The following CCN3 variants were observed in gnomAD, a reference collection of about 807,000 sequenced individuals.
The protein encoded by CCN3 is CCN family member 3.
Under a neutral mutation model 33.4 loss-of-function variants are expected in CCN3, and 20 were observed. That is an observed-to-expected ratio of 0.60 (90% confidence interval 0.42 to 0.87). The LOEUF is 0.87. Ranked by LOEUF, CCN3 falls within the 40% of genes least tolerant of loss-of-function variation. CCN3 has a pLI of 0.00. For missense variants in CCN3, 465 were observed against 455.3 expected, an observed-to-expected ratio of 1.02 and a Z score of -0.19; for synonymous variants, 205 against 170.4, an observed-to-expected ratio of 1.20 and a Z score of -1.58.
chr8:119,418,147 A>C lies in CCN3; in HGVS notation c.400A>C (p.Arg134=). Residue 134 remains arginine, a synonymous_variant, in exon 3 of 5, where the codon AGA becomes CGA. Coordinates refer to ENST00000259526, the MANE Select transcript of CCN3 (RefSeq NM_002514.4). The part of the protein sequence containing the change: ...QPSCKFQCTC[R]DGQIGCVPRC... ...AAGCTGCAAATTCCAGTGCACCTGC[A>C]GAGATGGGCAGATTGGCTGTGTGCC... The C allele has an allele frequency of 6.2e-7, 1 of 1,614,234 alleles. No individual in the cohort carries two copies. The highest frequency in any genetic ancestry group is 8.5e-7 in the Non-Finnish European group (1 of 1,180,034).
At chr8:119,421,957 A>T (rs916109165) in intron 4 of CCN3, among the ~76,000 whole-genome samples, 1 of 152,222 alleles carries the variant, frequency 6.6e-6, no homozygotes, top group Non-Finnish European at 1.5e-5. Flanking sequence ...ATTTATAAAC[A>T]TTCTTTTTAT....
chr8:119,422,287 T>C (rs1212456117), intron 4 of CCN3, among the ~76,000 whole-genome samples: 2 of 151,982 alleles, frequency 1.3e-5, no homozygotes, highest in Admixed American at 6.6e-5. Flanking sequence ...AAGGGAAAAA[T>C]CTGCCCCCAT....
At chr8:119,418,333 G>A (rs780422058) in intron 3 of CCN3, 24 bp downstream of exon 3, 24 of 1,612,116 alleles carry the variant, frequency 1.5e-5, no homozygotes, top group Non-Finnish European at 2.0e-5. Flanking sequence ...TATACCTAGG[G>A]CTGGTCATAG....
intron 4 of CCN3, among the ~76,000 whole-genome samples, chr8:119,420,767 C>T (rs917284037): frequency 6.6e-6 from 1 of 152,138 alleles, no homozygotes; most frequent in African/African-American, 2.4e-5. Flanking sequence ...TAAATATTTT[C>T]AATAGCACAG....
At position 119,418,191 on chromosome 8, in the gene CCN3, G is replaced by T; in HGVS notation, c.444G>T (p.Val148=). The T allele has an allele frequency of 6.2e-7, 1 of 1,614,210 alleles. No homozygotes were observed. Among genetic ancestry groups the T allele is most frequent in the East Asian group, 2.2e-5 (1 of 44,880 alleles). The change falls in exon 3 of 5, where the codon GTG becomes GTT. Residue 148 remains valine, a synonymous_variant. Transcript: ENST00000259526. The part of the protein sequence containing the change: ...IGCVPRCQLD[V]LLPEPNCPAP... ...GTGTGCCCCGCTGTCAGCTGGATGT[G>T]CTACTGCCTGAGCCTAACTGCCCAG...
rs759143211 is a variant in CCN3, at chr8:119,418,290, G to A, written c.543G>A (p.Leu181=). 9 of 1,614,108 alleles carry A rather than the reference G, an allele frequency of 5.6e-6. No homozygotes were observed. The East Asian group carries it at 2.0e-4, about 36-fold the overall frequency. The part of the protein sequence containing the change: ...WICGPDEEDS[L]GGLTLAAYRP... The stretch of plus-strand genomic sequence containing the variant: ...GTGGCCCAGATGAGGAGGATTCACT[G>A]GGAGGCCTTACCCTTGCAGGTGAGA... The change falls in exon 3 of 5, where the codon CTG becomes CTA. Residue 181 remains leucine (L), a synonymous_variant. Transcript: ENST00000259526.
chr8:119,422,034 G>A (rs1820130472), intron 4 of CCN3, among the ~76,000 whole-genome samples: 2 of 152,122 alleles, frequency 1.3e-5, no homozygotes, highest in South Asian at 4.1e-4. Flanking sequence ...AATTTATAAA[G>A]AAAAGATGTG....
chr8:119,421,879 A>G (rs72684298), intron 4 of CCN3, among the ~76,000 whole-genome samples: 2,665 of 152,348 alleles, frequency 0.017, 68 homozygotes, highest in East Asian at 0.11. Context: ...TATTTCTTGT[A>G]TGAATGAACA....
chr8:119,416,451 C>G lies in CCN3; in HGVS notation c.-82C>G, dbSNP rs1330226123. The G allele has an allele frequency of 2.9e-6, 4 of 1,376,908 alleles. No homozygotes were observed. Among genetic ancestry groups the G allele is most frequent in the Non-Finnish European group, 4.1e-6 (4 of 979,322 alleles). The allele number at this position is 1,376,908 out of a possible 1,614,324, so 85.3% of individuals were successfully genotyped here. A position where few individuals can be genotyped will look rare whatever the true frequency, so the allele number is the denominator to read the frequency against. On this transcript the variant is annotated 5_prime_UTR_variant, in exon 1 of 5. Coordinates refer to ENST00000259526, the MANE Select transcript of CCN3 (RefSeq NM_002514.4). ...CTGTGCTGGGCGTGATCGGCAAGCA[C>G]CGGACCAGGGGGAAGGCGAGCAGTG...
chr8:119,424,288 A>G lies in CCN3; in HGVS notation c.*1156A>G, dbSNP rs1318544596. The G allele has an allele frequency of 6.6e-6, 1 of 152,180 alleles. No homozygotes were observed. The highest frequency in any genetic ancestry group is 2.4e-5 in the African/African-American group (1 of 41,440). The allele number at this position is 152,180 out of a possible 1,614,324, so 9.4% of individuals were successfully genotyped here. On this transcript the variant is annotated 3_prime_UTR_variant, in exon 5 of 5. Transcript: ENST00000259526. The stretch of plus-strand genomic sequence containing the variant: ...GTATTTATAAAAATATAAATTGTAC[A>G]TTTTGTAAAATATTATGTTTGATTT...
At chr8:119,422,746 G>A (rs886481282) in intron 4 of CCN3, 90 bp from the exon 5 acceptor site, 2 of 1,033,326 alleles carry the variant, frequency 1.9e-6, no homozygotes, top group South Asian at 1.5e-5. Flanking sequence ...TAGATATTGG[G>A]TGGGCAACTA....
Position 119,416,803 on chromosome 8 carries a change from G to T in CCN3, c.144G>T (p.Pro48=). 1 of 1,604,570 alleles carries T rather than the reference G, an allele frequency of 6.2e-7. No homozygotes were observed. ...CGGGCCGGTGCCCTGCGACGCCGCC[G>T]ACCTGCGCCCCCGGGGTGCGCGCGG... ...QCPGRCPATP[P]TCAPGVRAVL... Residue 48 remains proline (P), a synonymous_variant, in exon 2 of 5, where the codon CCG becomes CCT. Coordinates refer to ENST00000259526, the MANE Select transcript of CCN3 (RefSeq NM_002514.4).
Position 119,423,253 on chromosome 8 carries a change from T to C in CCN3, c.*121T>C. The C allele has an allele frequency of 4.0e-6, 4 of 997,998 alleles. No homozygotes were observed. Among genetic ancestry groups the C allele is most frequent in the Non-Finnish European group, 5.9e-6 (4 of 673,644 alleles). The allele number at this position is 997,998 out of a possible 1,614,324, so 61.8% of individuals were successfully genotyped here. ...CATCCTTGAATCCTATGTATTTTCCTAATGTGATCATATGAGGACCTTTAT... is the reference window on the plus strand; with the variant it reads ...CATCCTTGAATCCTATGTATTTTCCCAATGTGATCATATGAGGACCTTTAT... On this transcript the variant is annotated 3_prime_UTR_variant, in exon 5 of 5. Transcript: ENST00000259526.
At position 119,418,295 on chromosome 8, in the gene CCN3, G is replaced by A. The variant is rs775328465; in HGVS notation, c.548G>A (p.Gly183Asp). The A allele has an allele frequency of 1.1e-5, 17 of 1,613,946 alleles. No individual in the cohort carries two copies. The highest frequency in any genetic ancestry group is 1.4e-5 in the Non-Finnish European group (16 of 1,180,026). The change falls in exon 3 of 5, where the codon GGC becomes GAC. Residue 183 changes from glycine to aspartate, a missense_variant. Physicochemically the swap from Gly to Asp is moderately conservative, Grantham distance 94. Transcript: ENST00000259526. ...CCAGATGAGGAGGATTCACTGGGAG[G>A]CCTTACCCTTGCAGGTGAGAAACTC... is the stretch of plus-strand genomic sequence containing the variant. ...CGPDEEDSLG[G>D]LTLAAYRPEA...
chr8:119,416,894 G>A lies in CCN3; in HGVS notation c.235G>A (p.Glu79Lys), dbSNP rs751088620. The stretch of plus-strand genomic sequence containing the variant: ...GCGTGGCGAGAGCTGCTCAGATCTG[G>A]AGCCATGCGACGAGAGCAGTGGCCT... ...RQRGESCSDL[E>K]PCDESSGLYC... is the part of the protein sequence containing the mutation. The change falls in exon 2 of 5, where the codon GAG becomes AAG. Residue 79 changes from glutamate (E) to lysine (K), a missense_variant. Physicochemically the swap from Glu to Lys is moderately conservative, Grantham distance 56. Transcript: ENST00000259526. 5 of 1,613,836 alleles carry A rather than the reference G, an allele frequency of 3.1e-6. No homozygotes were observed. The highest frequency in any genetic ancestry group is 4.2e-6 in the Non-Finnish European group (5 of 1,180,036).
chr8:119,418,167 T>G lies in CCN3; in HGVS notation c.420T>G (p.Cys140Trp). 1 of 1,614,218 alleles carries G rather than the reference T, an allele frequency of 6.2e-7. No homozygotes were observed. The highest frequency in any genetic ancestry group is 8.5e-7 in the Non-Finnish European group (1 of 1,180,038). The change falls in exon 3 of 5, where the codon TGT becomes TGG. Residue 140 changes from cysteine to tryptophan, a missense_variant. Cys to Trp is a radical substitution (Grantham distance 215). Transcript: ENST00000259526. Reference protein sequence around the residue: ...QCTCRDGQIGCVPRCQLDVLL... With the variant: ...QCTCRDGQIGWVPRCQLDVLL... ...CCTGCAGAGATGGGCAGATTGGCTGTGTGCCCCGCTGTCAGCTGGATGTGC... is the reference window on the plus strand; with the variant it reads ...CCTGCAGAGATGGGCAGATTGGCTGGGTGCCCCGCTGTCAGCTGGATGTGC...
At position 119,424,393 on chromosome 8, in the gene CCN3, ATTG is replaced by A. The variant is rs1447918666; in HGVS notation, c.*1267_*1269del. The A allele has an allele frequency of 6.6e-6, 1 of 152,328 alleles. No homozygotes were observed. Among genetic ancestry groups the A allele is most frequent in the African/African-American group, 2.4e-5 (1 of 41,566 alleles). 9.4% of individuals were successfully genotyped at this position (152,328 alleles called of 1,614,324 possible). A position where few individuals can be genotyped will look rare whatever the true frequency, so the allele number is the denominator to read the frequency against. On this transcript the variant is annotated 3_prime_UTR_variant, in exon 5 of 5. Coordinates refer to ENST00000259526, the MANE Select transcript of CCN3 (RefSeq NM_002514.4). ...TTACTTTGGTGCATAAAAGTTGAACATTGTTGTTTACTGAAAATAAAATTAAAA... is the reference window on the plus strand; with the variant it reads ...TTACTTTGGTGCATAAAAGTTGAACATTGTTTACTGAAAATAAAATTAAAA...
In CCN3 at chr8:119,418,231, GAGGT is replaced by G. The variant is rs751461654; in HGVS notation, c.485_488del (p.Glu162GlyfsTer33). The G allele has an allele frequency of 1.9e-6, 3 of 1,614,230 alleles. No individual in the cohort carries two copies. In the South Asian group the frequency reaches 3.3e-5, roughly 18 times the overall value. ...TAACTGCCCAGCTCCAAGAAAAGTT[GAGGT>G]GCCTGGAGAGTGCTGTGAAAAGTGG... On this transcript the variant is annotated frameshift_variant, in exon 3 of 5. Coordinates refer to ENST00000259526, the MANE Select transcript of CCN3 (RefSeq NM_002514.4). LOFTEE classifies it high-confidence loss of function.
chr8:119,417,006 T>C (rs749015373), intron 2 of CCN3, 37 bp downstream of exon 2: 2 of 1,538,392 alleles, frequency 1.3e-6, no homozygotes, highest in Admixed American at 1.8e-5. Flanking sequence ...CCTCTTCTCC[T>C]GCAGCTAAGT....
Sources: gnomAD v4.1 joint callset for allele counts (sites outside exome capture counted in the v4.1 genomes callset) on GRCh38, gnomAD v4.1.1 for gene constraint, MANE v1.5 for transcripts, NCBI Gene and HGNC (gene_info 2026-07-23, HGNC 2026-07-21) for gene names.